Variants in AADAC observed in about 807,000 individuals in gnomAD.
The protein encoded by AADAC is arylacetamide deacetylase.
In AADAC, 17 loss-of-function variants were observed where a neutral mutation model predicts 22.7. The ratio of observed to expected loss-of-function variants is 0.75; its 90% CI spans 0.51 to 1.12. The LOEUF (loss-of-function observed/expected upper bound fraction) is 1.12. AADAC is among the 50% of genes most tolerant of loss of function. The probability of loss-of-function intolerance (pLI) is 0.00; values close to 1 mark genes in which losing one functional copy is unlikely to be tolerated. For synonymous variants in AADAC, 167 were observed against 176.3 expected, an observed-to-expected ratio of 0.95 and a Z score of 0.42; for missense variants, 465 against 473.9, an observed-to-expected ratio of 0.98 and a Z score of 0.17.
At position 151,824,678 on chromosome 3, in the gene AADAC, T is replaced by A. The variant is rs112978971; in HGVS notation, c.447T>A (p.Pro149=). Reference sequence around the variant, plus strand: ...CTCTCTACAGCTACAGATTAGCACCTAAGTATCATTTCCCAATTCAATTTG... The same window carrying A: ...CTCTCTACAGCTACAGATTAGCACCAAAGTATCATTTCCCAATTCAATTTG... ...VVVSTNYRLA[P]KYHFPIQFED... is the part of the protein sequence containing the mutation. Residue 149 remains proline (P), a synonymous_variant, in exon 4 of 5, where the codon CCT becomes CCA. Transcript: ENST00000232892. The A allele has an allele frequency of 8.7e-5, 137 of 1,581,064 alleles. 3 individuals carry two copies. In the African/African-American group the frequency reaches 1.3e-3, roughly 15 times the overall value.
intron 3 of AADAC, among the ~76,000 whole-genome samples, chr3:151,822,418 G>A (rs923051654): frequency 1.3e-5 from 2 of 151,714 alleles, no homozygotes; most frequent in Non-Finnish European, 2.9e-5. Flanking sequence ...ACTGATAAAT[G>A]GATGAATAAA....
intron 3 of AADAC, among the ~76,000 whole-genome samples, chr3:151,822,124 A>C (rs1435257053): frequency 6.6e-6 from 1 of 151,988 alleles, no homozygotes; most frequent in Admixed American, 6.6e-5. Context: ...AACCACAATG[A>C]AATACCACTT....
At chr3:151,824,576 G>C (rs1716392623) in intron 3 of AADAC, 87 bp from the exon 4 acceptor site, 1 of 1,119,242 alleles carries the variant, frequency 8.9e-7, no homozygotes, top group South Asian at 2.7e-5. Flanking sequence ...AGTTATTGCG[G>C]TTTTGTCATT....
In AADAC at chr3:151,824,736, C is replaced by G; in HGVS notation, c.505C>G (p.Arg169Gly). ...DVYNALRWFL[R>G]KKVLAKYGVN... ...ATATAATGCCTTAAGGTGGTTCTTA[C>G]GTAAAAAAGTTCTTGCAAAATATGG... The change falls in exon 4 of 5, where the codon CGT becomes GGT. Residue 169 changes from arginine (R) to glycine (G), a missense_variant. By Grantham distance (125) the Arg-to-Gly change is moderately radical. Coordinates refer to ENST00000232892, the MANE Select transcript of AADAC (RefSeq NM_001086.3). 6.2e-7 allele frequency: 1 copy of G among 1,608,250 alleles called. No individual in the cohort carries two copies. Among genetic ancestry groups the G allele is most frequent in the East Asian group, 2.2e-5 (1 of 44,672 alleles).
intron 4 of AADAC, among the ~76,000 whole-genome samples, chr3:151,825,826 A>G (rs1716469484): frequency 1.3e-5 from 2 of 151,952 alleles, no homozygotes; most frequent in South Asian, 4.1e-4. Flanking sequence ...AGTAGTCGCA[A>G]AGGAACTATT....
In AADAC at chr3:151,814,240, C is replaced by T. The variant is rs368408604; in HGVS notation, c.78C>T (p.Asn26=). ...ATATTTATACGCCTCTCCCAGATAA[C>T]GTTGAGGAGCCATGGAGAATGATGT... The part of the protein sequence containing the change: ...AYYIYTPLPD[N]VEEPWRMMWI... Residue 26 remains asparagine, a synonymous_variant, in exon 1 of 5, where the codon AAC becomes AAT. Transcript: ENST00000232892. The T allele has an allele frequency of 2.9e-5, 47 of 1,613,018 alleles. No homozygotes were observed. The highest frequency in any genetic ancestry group is 8.0e-5 in the African/African-American group (6 of 74,840).
intron 4 of AADAC, among the ~76,000 whole-genome samples, chr3:151,826,831 G>A (rs982710453): frequency 2.0e-4 from 31 of 151,806 alleles, no homozygotes; most frequent in Admixed American, 1.9e-3. Context: ...GTAACATGTC[G>A]CTTTAGCATC....
intron 3 of AADAC, 64 bp downstream of exon 3, chr3:151,820,516 CTTT>C (rs34039248): frequency 8.6e-3 from 3,546 of 410,968 alleles, no homozygotes; most frequent in East Asian, 0.013. Flanking sequence ...TCTCAGCTTT[CTTT>C]TTTTTTTTTT....
At position 151,817,434 on chromosome 3, in the gene AADAC, T is replaced by C. The variant is rs780511326; in HGVS notation, c.207T>C (p.Asp69=). Residue 69 remains aspartate (D), a synonymous_variant, in exon 2 of 5, where the codon GAT becomes GAC. Coordinates refer to ENST00000232892, the MANE Select transcript of AADAC (RefSeq NM_001086.3). The part of the protein sequence containing the change: ...MDSFKVVGSF[D]EVPPTSDENV... The stretch of plus-strand genomic sequence containing the variant: ...CCTTTAAGGTTGTCGGGAGCTTTGA[T>C]GAAGTCCCACCAACCTCAGATGAAA... The C allele has an allele frequency of 4.3e-6, 7 of 1,613,670 alleles. No homozygotes were observed. The African/African-American group carries it at 6.7e-5, about 15-fold the overall frequency.
intron 4 of AADAC, 129 bp downstream of exon 4, chr3:151,824,963 ATT>A: frequency 5.0e-5 from 2 of 39,842 alleles, no homozygotes; most frequent in Non-Finnish European, 9.1e-5. Flanking sequence ...TTTTGAAACT[ATT>A]AAAGAGAATA....
rs771872606 is a variant in AADAC at position 151,817,490 on chromosome 3, A to G, written c.263A>G (p.Asn88Ser). 2 of 1,613,812 alleles carry G rather than the reference A, an allele frequency of 1.2e-6. No individual in the cohort carries two copies. The highest frequency in any genetic ancestry group is 8.5e-7 in the Non-Finnish European group (1 of 1,179,742). The part of the protein sequence containing the change: ...NVTVTETKFN[N>S]ILVRVYVPKR... ...ACTGTGACTGAGACAAAATTCAACA[A>G]CATTCTTGTTCGGGTATATGTGCCA... Residue 88 changes from asparagine to serine, a missense_variant, in exon 2 of 5, where the codon AAC becomes AGC. Coordinates refer to ENST00000232892, the MANE Select transcript of AADAC (RefSeq NM_001086.3).
intron 1 of AADAC, among the ~76,000 whole-genome samples, chr3:151,814,816 G>C (rs555394780): frequency 3.0e-4 from 45 of 152,168 alleles, no homozygotes; most frequent in African/African-American, 1.0e-3. Flanking sequence ...ACAAATGAGA[G>C]GGGGAGGGAG....
At chr3:151,821,110 A>C (rs1258114091) in intron 3 of AADAC, among the ~76,000 whole-genome samples, 2 of 151,928 alleles carry the variant, frequency 1.3e-5, no homozygotes, top group Admixed American at 6.6e-5. Flanking sequence ...GAGTCACAGG[A>C]TCATCTATAA....
chr3:151,814,764 T>G (rs965780837), intron 1 of AADAC, among the ~76,000 whole-genome samples: 18 of 152,028 alleles, frequency 1.2e-4, no homozygotes, highest in Admixed American at 6.6e-5. Context: ...GGCAGGCTGG[T>G]TGGCACATGC....
At chr3:151,826,969 C>A (rs150024204) in intron 4 of AADAC, among the ~76,000 whole-genome samples, 1 of 151,972 alleles carries the variant, frequency 6.6e-6, no homozygotes, top group Non-Finnish European at 1.5e-5. Context: ...GGCTGGAGTG[C>A]AGTGGTGTTT....
intron 4 of AADAC, among the ~76,000 whole-genome samples, chr3:151,825,791 A>C (rs1194856047): frequency 6.6e-6 from 1 of 152,008 alleles, no homozygotes; most frequent in Admixed American, 6.6e-5. Context: ...TTGATTGTTT[A>C]AACATCTAAA....
At chr3:151,822,208 T>C (rs921444876) in intron 3 of AADAC, among the ~76,000 whole-genome samples, 2 of 151,838 alleles carry the variant, frequency 1.3e-5, no homozygotes, top group African/African-American at 4.8e-5. Flanking sequence ...CATGGAAAAA[T>C]CAGAATCCTC....
Position 151,827,774 on chromosome 3 carries a change from C to T in AADAC, c.802C>T (p.Gln268Ter). The change falls in exon 5 of 5, where the codon CAA (glutamine) becomes TAA (stop). Residue 268 changes from glutamine (Q) to a stop codon, truncating the protein, a stop_gained. Coordinates refer to ENST00000232892, the MANE Select transcript of AADAC (RefSeq NM_001086.3). LOFTEE classifies it low-confidence loss of function (END_TRUNC). ...RSLEKAMLSRQHVPVESSHLF... is the reference protein window; with the variant it reads ...RSLEKAMLSR ...ACTTGAAAAAGCCATGCTTTCCAGA[C>T]AACATGTACCTGTGGAATCAAGTCA... 4.3e-6 allele frequency: 7 copies of T among 1,613,282 alleles called. No homozygotes were observed. In the South Asian group the frequency reaches 7.7e-5, roughly 18 times the overall value.
At position 151,820,414 on chromosome 3, in the gene AADAC, G is replaced by T; in HGVS notation, c.393G>T (p.Trp131Cys). 1 of 1,588,776 alleles carries T rather than the reference G, an allele frequency of 6.3e-7. No individual in the cohort carries two copies. Among genetic ancestry groups the T allele is most frequent in the Non-Finnish European group, 8.6e-7 (1 of 1,165,736 alleles). Residue 131 changes from tryptophan to cysteine, a missense_variant, in exon 3 of 5, where the codon TGG becomes TGT. Physicochemically the swap from Trp to Cys is radical, Grantham distance 215 (BLOSUM62 -2). Coordinates refer to ENST00000232892, the MANE Select transcript of AADAC (RefSeq NM_001086.3). ...ALSGYDLLSRWTADRLDAVVV... is the reference protein window; with the variant it reads ...ALSGYDLLSRCTADRLDAVVV... The stretch of plus-strand genomic sequence containing the variant: ...GTGGTTATGACTTGCTGTCAAGATG[G>T]ACAGCAGACAGACTTGATGCTGTCG...
Sources: gnomAD v4.1 joint callset for allele counts (sites outside exome capture counted in the v4.1 genomes callset) on GRCh38, gnomAD v4.1.1 for gene constraint, MANE v1.5 for transcripts, NCBI Gene and HGNC (gene_info 2026-07-23, HGNC 2026-07-21) for gene names.